Variants in MAD1L1 observed in about 807,000 individuals in gnomAD.
The protein encoded by MAD1L1 is mitotic spindle assembly checkpoint protein MAD1.
Under a neutral mutation model 96.9 loss-of-function variants are expected in MAD1L1, and 95 were observed. The observed-to-expected ratio is 0.98, with a 90% confidence interval of 0.83 to 1.16. MAD1L1 has a LOEUF of 1.16. Among genes scored for constraint, MAD1L1 ranks in the 50% most tolerant of loss-of-function variants. MAD1L1 has a pLI of 0.00. For missense variants in MAD1L1, 1,007 were observed against 954.4 expected, an observed-to-expected ratio of 1.06 and a Z score of -0.73; for synonymous variants, 473 against 396.6, an observed-to-expected ratio of 1.19 and a Z score of -2.29.
At chr7:2,219,202 T>C in intron 6 of MAD1L1, 130 bp downstream of exon 6, 1 of 901,248 alleles carries the variant, frequency 1.1e-6, no homozygotes, top group Non-Finnish European at 1.7e-6. Flanking sequence ...CATCTGCCCC[T>C]CTTGAGTGTC....
At chr7:1,933,082 G>T (rs544233009) in intron 17 of MAD1L1, among the ~76,000 whole-genome samples, 6 of 152,182 alleles carry the variant, frequency 3.9e-5, no homozygotes, top group South Asian at 4.2e-4. Flanking sequence ...TTCTTTGCTG[G>T]GACAGTGGGT....
intron 13 of MAD1L1, among the ~76,000 whole-genome samples, chr7:2,010,083 T>G (rs1170320277): frequency 3.3e-5 from 5 of 150,316 alleles, no homozygotes; most frequent in African/African-American, 1.2e-4. Flanking sequence ...TTTTTTTTTT[T>G]TTTTTTTTTT....
intron 10 of MAD1L1, among the ~76,000 whole-genome samples, chr7:2,204,808 G>A (rs567018334): frequency 4.6e-5 from 7 of 152,284 alleles, no homozygotes; most frequent in South Asian, 2.1e-4. Flanking sequence ...ATTAAATACC[G>A]AGGAATGGAA....
chr7:2,163,938 G>C (rs1270217109), intron 10 of MAD1L1, among the ~76,000 whole-genome samples: 1 of 152,002 alleles, frequency 6.6e-6, no homozygotes, highest in African/African-American at 2.4e-5. Flanking sequence ...AGCATAAAGA[G>C]GCAGCAGAGT....
At chr7:1,877,237 G>C (rs1012288180) in intron 18 of MAD1L1, among the ~76,000 whole-genome samples, 1 of 152,266 alleles carries the variant, frequency 6.6e-6, no homozygotes, top group African/African-American at 2.4e-5. Flanking sequence ...TTGTAATAAA[G>C]TTTTACTGGC....
At chr7:1,994,834 G>A (rs1454302766) in intron 14 of MAD1L1, among the ~76,000 whole-genome samples, 1 of 152,202 alleles carries the variant, frequency 6.6e-6, no homozygotes, top group African/African-American at 2.4e-5. Flanking sequence ...ATGTCTGCAA[G>A]GGTTTTGTTT....
At chr7:1,995,989 C>T (rs1250168081) in intron 14 of MAD1L1, among the ~76,000 whole-genome samples, 1 of 152,230 alleles carries the variant, frequency 6.6e-6, no homozygotes, top group Non-Finnish European at 1.5e-5. Context: ...CTGGATGTGA[C>T]CAGACAGATT....
chr7:2,211,222 G>A (rs1792929521), intron 10 of MAD1L1, among the ~76,000 whole-genome samples: 2 of 152,238 alleles, frequency 1.3e-5, no homozygotes, highest in Non-Finnish European at 1.5e-5. Flanking sequence ...CTGGCCACCA[G>A]GGAGGGCAGA....
intron 15 of MAD1L1, among the ~76,000 whole-genome samples, chr7:1,978,436 T>C (rs2057964712): frequency 6.6e-6 from 1 of 152,208 alleles, no homozygotes; most frequent in Non-Finnish European, 1.5e-5. Flanking sequence ...CAATGCTTGG[T>C]GAGCAGGTGG....
chr7:2,091,290 C>T (rs1786198808), intron 11 of MAD1L1, among the ~76,000 whole-genome samples: 1 of 152,080 alleles, frequency 6.6e-6, no homozygotes, highest in Non-Finnish European at 1.5e-5. Flanking sequence ...CTGCTCTGGG[C>T]CCCGGTCAGC....
At chr7:2,145,877 G>GACCTGCTGAGGT (rs1344489371) in intron 11 of MAD1L1, among the ~76,000 whole-genome samples, 13 of 152,228 alleles carry the variant, frequency 8.5e-5, no homozygotes, top group Non-Finnish European at 1.8e-4. Flanking sequence ...CGACCCACAG[G>GACCTGCTGAGGT]ACCTGCTGAG....
chr7:1,866,749 C>T (rs1482308534), intron 18 of MAD1L1, among the ~76,000 whole-genome samples: 5 of 152,166 alleles, frequency 3.3e-5, no homozygotes, highest in Non-Finnish European at 7.3e-5. Context: ...ATCTGTTCCA[C>T]GGGCTGACGG....
intron 18 of MAD1L1, among the ~76,000 whole-genome samples, chr7:1,858,016 C>T (rs1296300908): frequency 1.3e-5 from 2 of 152,260 alleles, no homozygotes; most frequent in Non-Finnish European, 2.9e-5. Context: ...ACTTTCCTCC[C>T]TGCCTGTATT....
intron 13 of MAD1L1, among the ~76,000 whole-genome samples, chr7:2,013,190 C>T (rs1019615188): frequency 6.6e-5 from 10 of 152,258 alleles, no homozygotes; most frequent in Non-Finnish European, 1.2e-4. Context: ...GCTGTGGTCA[C>T]GCCTGTGAGG....
At chr7:2,144,529 T>C (rs1366679333) in intron 11 of MAD1L1, among the ~76,000 whole-genome samples, 5 of 152,070 alleles carry the variant, frequency 3.3e-5, no homozygotes, top group Non-Finnish European at 7.4e-5. Context: ...CACGCTGGCC[T>C]ATTCCCCCCC....
At chr7:2,159,696 C>T (rs1286925560) in intron 10 of MAD1L1, among the ~76,000 whole-genome samples, 2 of 152,312 alleles carry the variant, frequency 1.3e-5, no homozygotes, top group Non-Finnish European at 2.9e-5. Flanking sequence ...CTACGCAAGT[C>T]ATTCTACTGA....
rs537031711 is a variant in MAD1L1, at chr7:1,831,355, ATGTG to A, written c.1999-15131_1999-15128del. 1.9e-4 allele frequency among the ~76,000 whole-genome samples: 29 copies of A among 152,274 alleles called. 1 individual carries two copies. In the South Asian group the frequency reaches 5.8e-3, roughly 30 times the overall value. ...ATAAGAGAGCAAACTTAACTGATAA[ATGTG>A]TGTGTTCTGACTGCTCCACTGACCA... On this transcript the variant is annotated intron_variant, in intron 18 of 18. Coordinates refer to ENST00000265854, the MANE Select transcript of MAD1L1 (RefSeq NM_001013836.2).
Position 1,968,290 on chromosome 7 carries a change from C to A in MAD1L1, c.1506-10571G>T, listed in dbSNP as rs1445382144. 2.0e-5 allele frequency among the ~76,000 whole-genome samples: 3 copies of A among 149,806 alleles called. No homozygotes were observed. The highest frequency in any genetic ancestry group is 7.4e-5 in the African/African-American group (3 of 40,450). On this transcript the variant is annotated intron_variant, in intron 15 of 18. Transcript: ENST00000265854. The surrounding 1 kb of genome is among the most constrained non-coding windows in gnomAD (Gnocchi z 5.6). ...GTCTTGTCCACATCAACGCCTCAGT[C>A]CAGCGGTCAGGTCCACTGTCAACGC...
intron 17 of MAD1L1, among the ~76,000 whole-genome samples, chr7:1,912,191 C>T (rs1241981511): frequency 6.6e-6 from 1 of 152,360 alleles, no homozygotes; most frequent in Admixed American, 6.5e-5. Flanking sequence ...ACCCCAGAAC[C>T]AGCCAGCTCC....
Sources: allele counts gnomAD v4.1 joint callset (sites outside exome capture counted in the v4.1 genomes callset), GRCh38; gene constraint gnomAD v4.1.1; non-coding constraint Gnocchi (gnomAD v3.1); transcripts MANE v1.5; gene names NCBI Gene and HGNC (gene_info 2026-07-23, HGNC 2026-07-21).